The following AGBL4 variants were observed in gnomAD, a reference collection of about 807,000 sequenced individuals.
AGBL4 encodes AGBL carboxypeptidase 4, also known as cytosolic carboxypeptidase 6.
A neutral mutation model predicts 66.4 loss-of-function variants in AGBL4; 58 were observed. The ratio of observed to expected loss-of-function variants is 0.87; its 90% CI spans 0.71 to 1.09. AGBL4 has a LOEUF of 1.09. AGBL4 is among the 50% of genes least tolerant of loss of function. AGBL4 has a pLI of 0.00. For missense variants in AGBL4, 579 were observed against 631.0 expected (o/e 0.92, Z 0.88); for synonymous variants, 234 against 222.9 (o/e 1.05, Z -0.44).
chr1:49,489,254 T>C (rs1272033110), intron 3 of AGBL4, among the ~76,000 whole-genome samples: 1 of 151,972 alleles, frequency 6.6e-6, no homozygotes, highest in Non-Finnish European at 1.5e-5. Context: ...CTCATTGTAG[T>C]TCTGACTTGC....
intron 3 of AGBL4, among the ~76,000 whole-genome samples, chr1:49,596,427 T>A (rs985860852): frequency 6.6e-6 from 1 of 152,178 alleles, no homozygotes; most frequent in Non-Finnish European, 1.5e-5. Flanking sequence ...AGCCTCGGCC[T>A]GCCAAAATGG....
rs190501005 is a variant in AGBL4, at chr1:48,906,284, T to C, written c.595-39054A>G. 7.5e-4 allele frequency among the ~76,000 whole-genome samples: 114 copies of C among 152,284 alleles called. 2 individuals are homozygous for C. In the East Asian group the frequency reaches 0.018, roughly 25 times the overall value. Reference sequence around the variant, plus strand: ...TGTTATTTTACCTAGAAAATAAAACTCCTCTTGGAGAGAGATAAATCATGT... The same window carrying C: ...TGTTATTTTACCTAGAAAATAAAACCCCTCTTGGAGAGAGATAAATCATGT... On this transcript the variant is annotated intron_variant, in intron 5 of 13. Coordinates refer to ENST00000371839, the MANE Select transcript of AGBL4 (RefSeq NM_032785.4).
intron 1 of AGBL4, among the ~76,000 whole-genome samples, chr1:50,012,153 G>A (rs143192422): frequency 0.019 from 2,679 of 140,826 alleles, 35 homozygotes; most frequent in Non-Finnish European, 0.026. Context: ...GCGACAGAGC[G>A]AGACTCCGTC....
intron 3 of AGBL4, among the ~76,000 whole-genome samples, chr1:49,682,628 G>A (rs980584907): frequency 7.9e-5 from 12 of 152,188 alleles, no homozygotes; most frequent in South Asian, 4.2e-4. Flanking sequence ...CATACCAGAC[G>A]AAGGCCCTAG....
intron 6 of AGBL4, among the ~76,000 whole-genome samples, chr1:48,795,185 T>C (rs958039630): frequency 3.3e-5 from 5 of 152,222 alleles, no homozygotes; most frequent in African/African-American, 1.2e-4. Flanking sequence ...AGAATGATCA[T>C]GCTCAAATGC....
At chr1:49,952,836 G>A (rs909813003) in intron 1 of AGBL4, among the ~76,000 whole-genome samples, 11 of 151,932 alleles carry the variant, frequency 7.2e-5, no homozygotes, top group African/African-American at 2.7e-4. Flanking sequence ...AATAGGAAAA[G>A]AGTATGCTGG....
chr1:49,562,154 T>G (rs1272394984), intron 3 of AGBL4, among the ~76,000 whole-genome samples: 1 of 152,030 alleles, frequency 6.6e-6, no homozygotes, highest in Non-Finnish European at 1.5e-5. Flanking sequence ...TTAATGTGGT[T>G]GTTTGTTTTT....
chr1:49,999,275 C>T (rs1447475664), intron 1 of AGBL4, among the ~76,000 whole-genome samples: 2 of 150,636 alleles, frequency 1.3e-5, no homozygotes, highest in East Asian at 3.9e-4. Context: ...CTCTGCTATA[C>T]ACCAACAGCA....
At chr1:49,855,934 T>A (rs1158679480) in intron 1 of AGBL4, among the ~76,000 whole-genome samples, 1 of 151,676 alleles carries the variant, frequency 6.6e-6, no homozygotes, top group Non-Finnish European at 1.5e-5. Context: ...TCTAAAAAAA[T>A]ACAAAGGATA....
At chr1:49,521,295 C>G (rs956427079) in intron 3 of AGBL4, among the ~76,000 whole-genome samples, 3 of 151,968 alleles carry the variant, frequency 2.0e-5, no homozygotes, top group African/African-American at 7.2e-5. Flanking sequence ...AAGAGCCTGA[C>G]TAGTAAAAGC....
At chr1:49,413,726 C>A (rs1190097274) in intron 3 of AGBL4, among the ~76,000 whole-genome samples, 1 of 152,174 alleles carries the variant, frequency 6.6e-6, no homozygotes, top group Non-Finnish European at 1.5e-5. Context: ...TTTGCCTGAT[C>A]TATACAAGGC....
chr1:49,872,832 AT>A (rs1169084295), intron 1 of AGBL4, among the ~76,000 whole-genome samples: 1 of 152,088 alleles, frequency 6.6e-6, no homozygotes, highest in Non-Finnish European at 1.5e-5. Flanking sequence ...GAAAGAAAAA[AT>A]GTTTGAAAAT....
At chr1:48,535,673 C>A (rs932802386) in intron 12 of AGBL4, among the ~76,000 whole-genome samples, 4 of 152,176 alleles carry the variant, frequency 2.6e-5, no homozygotes, top group African/African-American at 9.7e-5. Context: ...ACAGAATACC[C>A]TTTATCCCCT....
chr1:49,785,599 A>T (rs1384319173), intron 2 of AGBL4, among the ~76,000 whole-genome samples: 3 of 151,986 alleles, frequency 2.0e-5, no homozygotes, highest in African/African-American at 7.2e-5. Flanking sequence ...GATAACAATG[A>T]TGTTCTGAAA....
intron 8 of AGBL4, among the ~76,000 whole-genome samples, chr1:48,642,210 T>G (rs1645767549): frequency 6.6e-6 from 1 of 152,144 alleles, no homozygotes; most frequent in Non-Finnish European, 1.5e-5. Flanking sequence ...AAAGCCAAGA[T>G]TAGCACTTAG....
chr1:49,955,039 G>T (rs539335116), intron 1 of AGBL4, among the ~76,000 whole-genome samples: 1 of 151,752 alleles, frequency 6.6e-6, no homozygotes, highest in African/African-American at 2.4e-5. Context: ...TTACTTTCCC[G>T]AAATATGTTT....
chr1:49,470,215 TATA>T (rs1313925507), intron 3 of AGBL4, among the ~76,000 whole-genome samples: 1 of 151,978 alleles, frequency 6.6e-6, no homozygotes, highest in Non-Finnish European at 1.5e-5. Context: ...TTGTCTTAGA[TATA>T]ATAGTATTAA....
intron 3 of AGBL4, among the ~76,000 whole-genome samples, chr1:49,523,314 T>C (rs997104206): frequency 2.0e-5 from 3 of 152,068 alleles, no homozygotes; most frequent in Non-Finnish European, 2.9e-5. Flanking sequence ...TTAACTCTAG[T>C]TATGTTTCCA....
At chr1:49,929,460 T>A (rs1653118232) in intron 1 of AGBL4, among the ~76,000 whole-genome samples, 1 of 151,796 alleles carries the variant, frequency 6.6e-6, no homozygotes, top group Non-Finnish European at 1.5e-5. Context: ...AAGAAAAAAA[T>A]AAAAACTAGA....
Sources: allele counts gnomAD v4.1 joint callset (sites outside exome capture counted in the v4.1 genomes callset), GRCh38; gene constraint gnomAD v4.1.1; transcripts MANE v1.5; gene names NCBI Gene and HGNC (gene_info 2026-07-23, HGNC 2026-07-21).